ARRDC4: variants seen among roughly 807,000 people sequenced by gnomAD.
The protein encoded by ARRDC4 is arrestin domain-containing protein 4.
A neutral mutation model predicts 44.6 loss-of-function variants in ARRDC4; 40 were observed. The observed-to-expected ratio is 0.90, with a 90% CI of 0.70 to 1.17. The LOEUF (loss-of-function observed/expected upper bound fraction) is 1.17, where lower values mean the gene tolerates loss of function less well. Ranked by LOEUF, ARRDC4 falls within the 50% of genes most tolerant of loss-of-function variation. The pLI is 0.00. For missense variants in ARRDC4, 550 were observed against 559.1 expected, an observed-to-expected ratio of 0.98 and a Z score of 0.16; for synonymous variants, 211 against 221.2, an observed-to-expected ratio of 0.95 and a Z score of 0.41.
At position 97,973,639 on chromosome 15, in the gene ARRDC4, T is replaced by C. The variant is rs1287052388; in HGVS notation, c.*2452T>C. 1.3e-5 allele frequency: 2 copies of C among 152,622 alleles called. No individual in the cohort carries two copies. Among genetic ancestry groups the C allele is most frequent in the Non-Finnish European group, 2.9e-5 (2 of 68,030 alleles). 9.5% of individuals were successfully genotyped at this position (152,622 alleles called of 1,614,324 possible). A position where few individuals can be genotyped will look rare whatever the true frequency, so the allele number is the denominator to read the frequency against. ...CATGTTTTGGTGCACAAAATCCTTC[T>C]GTGGGCAAAACTTTGTTTTTGTTTT... On this transcript the variant is annotated 3_prime_UTR_variant, in exon 8 of 8. Coordinates refer to ENST00000268042, the MANE Select transcript of ARRDC4 (RefSeq NM_183376.3).
Position 97,969,071 on chromosome 15 carries a change from G to A in ARRDC4, c.626-52G>A, listed in dbSNP as rs188201972. Reference sequence around the variant, plus strand: ...CTATACGGCCCTAATCCATTGTGGTGAGAACTTTTTCAAGAGTCTCTGAAT... The same window carrying A: ...CTATACGGCCCTAATCCATTGTGGTAAGAACTTTTTCAAGAGTCTCTGAAT... On this transcript the variant is annotated intron_variant, in intron 4 of 7. Transcript: ENST00000268042. The A allele has an allele frequency of 2.5e-5, 39 of 1,585,950 alleles. No homozygotes were observed. In the African/African-American group the frequency reaches 4.9e-4, roughly 20 times the overall value.
In ARRDC4 at chr15:97,966,344, A is replaced by C. The variant is rs1899419694; in HGVS notation, c.522+302A>C. Among the ~76,000 whole-genome samples, 1 of 152,246 alleles carries C rather than the reference A, an allele frequency of 6.6e-6. No homozygotes were observed. The highest frequency in any genetic ancestry group is 1.5e-5 in the Non-Finnish European group (1 of 68,034). On this transcript the variant is annotated intron_variant, in intron 3 of 7. Transcript: ENST00000268042. The surrounding 1 kb of genome is among the most constrained non-coding windows in gnomAD (Gnocchi z 4.7). ...TAATAAGGCTTAATAACAATAATGC[A>C]CACACAGAGAGTAGTTACTTTTACC...
chr15:97,966,510 T>A lies in ARRDC4; in HGVS notation c.522+468T>A, dbSNP rs2141534413. On this transcript the variant is annotated intron_variant, in intron 3 of 7. Transcript: ENST00000268042. This position sits in a 1 kb window ranked among gnomAD's most constrained non-coding sequence, Gnocchi z 4.7. ...CATTATGCTATGTATCCTTCCATTT[T>A]GCATGTCATTTTCTAACATTAAGTA... Among the ~76,000 whole-genome samples the A allele has an allele frequency of 6.6e-6, 1 of 152,340 alleles. No individual in the cohort carries two copies. The highest frequency in any genetic ancestry group is 1.9e-4 in the East Asian group (1 of 5,182).
At position 97,965,033 on chromosome 15, in the gene ARRDC4, T is replaced by C. The variant is rs1021273700; in HGVS notation, c.308-567T>C. 6.6e-6 allele frequency among the ~76,000 whole-genome samples: 1 copy of C among 152,060 alleles called. No individual in the cohort carries two copies. Among genetic ancestry groups the C allele is most frequent in the African/African-American group, 2.4e-5 (1 of 41,364 alleles). On this transcript the variant is annotated intron_variant, in intron 1 of 7. Transcript: ENST00000268042. This position sits in a 1 kb window ranked among gnomAD's most constrained non-coding sequence, Gnocchi z 5.1. Reference sequence around the variant, plus strand: ...ACACACACACATATACATATCCATATACACATATATATGTATGTTGGAGTT... The same window carrying C: ...ACACACACACATATACATATCCATACACACATATATATGTATGTTGGAGTT...
Position 97,969,809 on chromosome 15 carries a change from T to C in ARRDC4, c.883-74T>C, listed in dbSNP as rs879034248. The C allele has an allele frequency of 2.2e-6, 3 of 1,351,162 alleles. No individual in the cohort carries two copies. The South Asian group carries it at 4.3e-5, about 20-fold the overall frequency. 83.7% of individuals were successfully genotyped at this position (1,351,162 alleles called of 1,614,324 possible). A position where few individuals can be genotyped will look rare whatever the true frequency, so the allele number is the denominator to read the frequency against. ...CATTTGTTTCTATGAAAAAAAGAAA[T>C]TAATTGGGCTACCTACTGGAGGTGT... is the stretch of plus-strand genomic sequence containing the variant. On this transcript the variant is annotated intron_variant, in intron 5 of 7. Transcript: ENST00000268042.
chr15:97,968,090 A>C lies in ARRDC4; in HGVS notation c.599A>C (p.Lys200Thr). ...FTSGPVSLSA[K>T]IERKGYCNGE... ...TCTGGTCCAGTCTCGCTGAGTGCCA[A>C]AATTGAAAGAAAGGGATACTGTAAT... Residue 200 changes from lysine (K) to threonine (T), a missense_variant, in exon 4 of 8, where the codon AAA (lysine) becomes ACA (threonine). Transcript: ENST00000268042. This position sits in a 1 kb window ranked among gnomAD's most constrained non-coding sequence, Gnocchi z 5.4. 1.2e-6 allele frequency: 2 copies of C among 1,603,088 alleles called. No individual in the cohort carries two copies. Among genetic ancestry groups the C allele is most frequent in the Non-Finnish European group, 1.7e-6 (2 of 1,174,810 alleles).
In ARRDC4 at chr15:97,965,310, T is replaced by C. The variant is rs1165072129; in HGVS notation, c.308-290T>C. ...TTAGTCAAGAACCATGGCACATGCA[T>C]ATAGTCCCAGCTCCTTGGGAGTCTG... On this transcript the variant is annotated intron_variant, in intron 1 of 7. Coordinates refer to ENST00000268042, the MANE Select transcript of ARRDC4 (RefSeq NM_183376.3). The surrounding 1 kb of genome is among the most constrained non-coding windows in gnomAD (Gnocchi z 5.1). Among the ~76,000 whole-genome samples, 2 of 152,082 alleles carry C rather than the reference T, an allele frequency of 1.3e-5. No homozygotes were observed. Among genetic ancestry groups the C allele is most frequent in the Admixed American group, 6.6e-5 (1 of 15,264 alleles).
chr15:97,968,028 A>G lies in ARRDC4; in HGVS notation c.537A>G (p.Lys179=), dbSNP rs763432739. The G allele has an allele frequency of 6.3e-7, 1 of 1,593,924 alleles. No homozygotes were observed. The highest frequency in any genetic ancestry group is 8.5e-7 in the Non-Finnish European group (1 of 1,170,108). Residue 179 remains lysine, a synonymous_variant, in exon 4 of 8, where the codon AAA becomes AAG. Coordinates refer to ENST00000268042, the MANE Select transcript of ARRDC4 (RefSeq NM_183376.3). This position sits in a 1 kb window ranked among gnomAD's most constrained non-coding sequence, Gnocchi z 5.4. ...AAATTTTCAAGACCCCTGTATTGAA[A>G]ACTCAAGAGAAAATGGTTGGCTGTT... ...NTPALLTPVL[K]TQEKMVGCWF... is the part of the protein sequence containing the mutation.
chr15:97,961,128 G>A lies in ARRDC4; in HGVS notation c.267G>A (p.Glu89=). ...CCCTGGCTGTCTTCTCGGAGGTGGA[G>A]TACCTGAACGTGCGCCTCAGCCTGC... ...TAALAVFSEV[E]YLNVRLSLRE... Residue 89 remains glutamate, a synonymous_variant, in exon 1 of 8, where the codon GAG becomes GAA. Coordinates refer to ENST00000268042, the MANE Select transcript of ARRDC4 (RefSeq NM_183376.3). 2 of 1,456,556 alleles carry A rather than the reference G, an allele frequency of 1.4e-6. No homozygotes were observed. Among genetic ancestry groups the A allele is most frequent in the Non-Finnish European group, 1.8e-6 (2 of 1,113,246 alleles). The allele number at this position is 1,456,556 out of a possible 1,614,324, so 90.2% of individuals were successfully genotyped here.
In ARRDC4 at chr15:97,967,873, T is replaced by G. The variant is rs746022047; in HGVS notation, c.523-141T>G. ...GTTTTTGTGCATATTTGGCCTAATA[T>G]GTTACATGAGGATAAGAAAGTTTGA... On this transcript the variant is annotated intron_variant, in intron 3 of 7. Transcript: ENST00000268042. The surrounding 1 kb of genome is among the most constrained non-coding windows in gnomAD (Gnocchi z 5.0). The G allele has an allele frequency of 7.2e-5, 35 of 483,878 alleles. No individual in the cohort carries two copies. The highest frequency in any genetic ancestry group is 1.2e-4 in the Non-Finnish European group (34 of 281,580). 30.0% of individuals were successfully genotyped at this position (483,878 alleles called of 1,614,324 possible).
chr15:97,971,176 T>G lies in ARRDC4; in HGVS notation c.1246T>G (p.Phe416Val). The change falls in exon 8 of 8, where the codon TTC (phenylalanine) becomes GTC (valine). Residue 416 changes from phenylalanine (F) to valine (V), a missense_variant. By Grantham distance (50) the Phe-to-Val change is conservative. Transcript: ENST00000268042. ...SDVEESQPVS[F>V]IL ...CGTAGAAGAGAGCCAGCCTGTTTCC[T>G]TCATTCTCTGAACGTATTTCAGAAA... The G allele has an allele frequency of 6.2e-7, 1 of 1,613,232 alleles. No homozygotes were observed.
chr15:97,961,495 T>C (rs1423026087), intron 1 of ARRDC4, among the ~76,000 whole-genome samples: 3 of 152,218 alleles, frequency 2.0e-5, no homozygotes, highest in Non-Finnish European at 4.4e-5. Flanking sequence ...CTGTTCCTTC[T>C]GGTCCAAGAA....
chr15:97,968,136 G>GTCCAAATGAAATCTT lies in ARRDC4; in HGVS notation c.625+31_625+32insTCTTTCCAAATGAAA. The GTCCAAATGAAATCTT allele has an allele frequency of 1.4e-6, 2 of 1,443,206 alleles. No homozygotes were observed. Among genetic ancestry groups the GTCCAAATGAAATCTT allele is most frequent in the Non-Finnish European group, 1.9e-6 (2 of 1,065,830 alleles). The allele number at this position is 1,443,206 out of a possible 1,614,324, so 89.4% of individuals were successfully genotyped here. A position where few individuals can be genotyped will look rare whatever the true frequency, so the allele number is the denominator to read the frequency against. On this transcript the variant is annotated intron_variant, in intron 4 of 7. Coordinates refer to ENST00000268042, the MANE Select transcript of ARRDC4 (RefSeq NM_183376.3). The surrounding 1 kb of genome is among the most constrained non-coding windows in gnomAD (Gnocchi z 5.4). Reference sequence around the variant, plus strand: ...GTAATGGTAAGCAAAATGCTTGAAAGTCCAAATGAAAGATTTCATTCATTT... The same window carrying GTCCAAATGAAATCTT: ...GTAATGGTAAGCAAAATGCTTGAAAGTCCAAATGAAATCTTTCCAAATGAAAGATTTCATTCATTT...
At chr15:97,961,433 G>A (rs1208189150) in intron 1 of ARRDC4, among the ~76,000 whole-genome samples, 2 of 152,218 alleles carry the variant, frequency 1.3e-5, no homozygotes, top group Non-Finnish European at 2.9e-5. Flanking sequence ...GGGGGCCATT[G>A]GGTGCGGTGG....
rs1318532646 is a variant in ARRDC4, at chr15:97,969,954, T to C, written c.954T>C (p.Tyr318=). 3.1e-6 allele frequency: 5 copies of C among 1,612,516 alleles called. No individual in the cohort carries two copies. Among genetic ancestry groups the C allele is most frequent in the South Asian group, 1.1e-5 (1 of 91,006 alleles). The change falls in exon 6 of 8, where the codon TAT becomes TAC. Residue 318 remains tyrosine, a synonymous_variant. Transcript: ENST00000268042. ...ELPLVIGTIP[Y]NGFGSRNSSI... is the part of the protein sequence containing the mutation. ...CATTAGTGATCGGTACAATTCCATA[T>C]AATGGTTTTGGCAGCAGAAACTCCA...
At chr15:97,969,084 A>G (rs1327602064) in intron 4 of ARRDC4, 39 bp from the exon 5 acceptor site, 6 of 1,599,010 alleles carry the variant, frequency 3.8e-6, no homozygotes, top group African/African-American at 1.3e-5. Flanking sequence ...AACTTTTTCA[A>G]GAGTCTCTGA....
chr15:97,971,020 TACAC>T lies in ARRDC4; in HGVS notation c.1201-109_1201-106del, dbSNP rs1899502821. The T allele has an allele frequency of 1.3e-5, 16 of 1,252,970 alleles. No individual in the cohort carries two copies. The East Asian group carries it at 3.5e-4, about 27-fold the overall frequency. The allele number at this position is 1,252,970 out of a possible 1,614,324, so 77.6% of individuals were successfully genotyped here. The stretch of plus-strand genomic sequence containing the variant: ...GAGAACTTAAGCACCTTCTGGGACT[TACAC>T]AGGCTCTGACCAGCTTGGCATATAA... On this transcript the variant is annotated intron_variant, in intron 7 of 7. Coordinates refer to ENST00000268042, the MANE Select transcript of ARRDC4 (RefSeq NM_183376.3).
Position 97,965,868 on chromosome 15 carries a change from A to T in ARRDC4, c.375-27A>T. ...CTTTGTTTAACTGAAAAGTAAACTC[A>T]TAATTAATGTCTTTGGTTGGTTTCA... On this transcript the variant is annotated intron_variant, in intron 2 of 7. Transcript: ENST00000268042. The surrounding 1 kb of genome is among the most constrained non-coding windows in gnomAD (Gnocchi z 5.1). 6.2e-7 allele frequency: 1 copy of T among 1,605,096 alleles called. No homozygotes were observed. The highest frequency in any genetic ancestry group is 8.5e-7 in the Non-Finnish European group (1 of 1,175,984).
chr15:97,965,902 G>T lies in ARRDC4; in HGVS notation c.382G>T (p.Val128Phe). 1 of 1,613,762 alleles carries T rather than the reference G, an allele frequency of 6.2e-7. No individual in the cohort carries two copies. Among genetic ancestry groups the T allele is most frequent in the Non-Finnish European group, 8.5e-7 (1 of 1,179,944 alleles). ...GTCTTTGGTTGGTTTCAGACCTTTG[G>T]TCACCTCGTTTACTGGGAAATATGG... The part of the protein sequence containing the change: ...FRFQLPSEPL[V>F]TSFTGKYGSI... Residue 128 changes from valine (V) to phenylalanine (F), a missense_variant, in exon 3 of 8, where the codon GTC becomes TTC. Physicochemically the swap from Val to Phe is conservative, Grantham distance 50 (BLOSUM62 -1). Coordinates refer to ENST00000268042, the MANE Select transcript of ARRDC4 (RefSeq NM_183376.3). This position sits in a 1 kb window ranked among gnomAD's most constrained non-coding sequence, Gnocchi z 5.1.
Sources: gnomAD v4.1 joint callset for allele counts (sites outside exome capture counted in the v4.1 genomes callset) on GRCh38, gnomAD v4.1.1 for gene constraint, Gnocchi (gnomAD v3.1) non-coding constraint, MANE v1.5 for transcripts, NCBI Gene and HGNC (gene_info 2026-07-23, HGNC 2026-07-21) for gene names.